The following HK1 variants were observed in gnomAD, a reference collection of about 807,000 sequenced individuals.
HK1 encodes hexokinase 1.
Under a neutral mutation model 91.6 loss-of-function variants are expected in HK1, and 28 were observed. The observed-to-expected ratio is 0.31, with a 90% confidence interval of 0.23 to 0.42. The LOEUF (loss-of-function observed/expected upper bound fraction) is 0.42. HK1 is among the 10% of genes least tolerant of loss of function. HK1 has a pLI of 1.00. For missense variants in HK1, 770 were observed against 1,219.8 expected, an observed-to-expected ratio of 0.63 and a Z score of 5.49; for synonymous variants, 430 against 468.1, an observed-to-expected ratio of 0.92 and a Z score of 1.05.
Position 69,318,919 on chromosome 10 carries a change from C to A in HK1, c.-29C>A, listed in dbSNP as rs1173323808. 2 of 1,568,342 alleles carry A rather than the reference C, an allele frequency of 1.3e-6. No individual in the cohort carries two copies. Among genetic ancestry groups the A allele is most frequent in the Admixed American group, 3.7e-5 (2 of 54,218 alleles). On this transcript the variant is annotated 5_prime_UTR_variant, in exon 1 of 18. Transcript: ENST00000359426. ...CTGCGGAGGACCGACCGTCCCCACG[C>A]CTGCCGCCCCGCGACCCCGACCGCC...
At chr10:69,389,488 C>T in intron 14 of HK1, 192 bp downstream of exon 14, 1 of 631,364 alleles carries the variant, frequency 1.6e-6, no homozygotes, top group Non-Finnish European at 2.9e-6. Context: ...GTGGGGGGGC[C>T]TTTCTTAAGA....
In HK1 at chr10:69,357,095, G is replaced by A. The variant is rs1198747626; in HGVS notation, c.227-2802G>A. On this transcript the variant is annotated intron_variant, in intron 2 of 17. Coordinates refer to ENST00000359426, the MANE Select transcript of HK1 (RefSeq NM_000188.3). ...TGAAAACTTCATGCATTACTGGTAGGAATGTAAAATGGTGCAGCTGCTTTG... is the reference window on the plus strand; with the variant it reads ...TGAAAACTTCATGCATTACTGGTAGAAATGTAAAATGGTGCAGCTGCTTTG... 2.0e-5 allele frequency among the ~76,000 whole-genome samples: 3 copies of A among 152,264 alleles called. No individual in the cohort carries two copies. In the East Asian group the frequency reaches 5.8e-4, roughly 29 times the overall value.
At chr10:69,319,520 G>A (rs576365728) in intron 1 of HK1, among the ~76,000 whole-genome samples, 3 of 152,382 alleles carry the variant, frequency 2.0e-5, no homozygotes, top group African/African-American at 7.2e-5. Context: ...TGAGCTGCTC[G>A]TTAATCTGAG....
chr10:69,292,545 G>T (rs1845342287), intron 3 of HK1, among the ~76,000 whole-genome samples: 1 of 152,156 alleles, frequency 6.6e-6, no homozygotes, highest in African/African-American at 2.4e-5. Context: ...GAGTGGGATT[G>T]CCCCTTGTGC....
intron 1 of HK1, among the ~76,000 whole-genome samples, chr10:69,342,662 A>T (rs1848351113): frequency 6.6e-6 from 1 of 152,200 alleles, no homozygotes; most frequent in South Asian, 2.1e-4. Context: ...TAAGAGGCTG[A>T]TGCTGCAGTG....
intron 17 of HK1, 69 bp from the exon 18 acceptor site, chr10:69,400,921 TG>T: frequency 6.5e-7 from 1 of 1,534,696 alleles, no homozygotes; most frequent in Non-Finnish European, 9.0e-7. Flanking sequence ...GTCTGTGCTT[TG>T]GTGTTTTCGG....
intron 4 of HK1, among the ~76,000 whole-genome samples, chr10:69,296,972 A>G (rs928097746): frequency 6.6e-6 from 1 of 152,098 alleles, no homozygotes; most frequent in African/African-American, 2.4e-5. Context: ...GCTGTGCAAG[A>G]TGATCTACTT....
Position 69,369,841 on chromosome 10 carries a change from C to T in HK1, c.875+217C>T, listed in dbSNP as rs1242103628. Among the ~76,000 whole-genome samples, 4 of 152,078 alleles carry T rather than the reference C, an allele frequency of 2.6e-5. No individual in the cohort carries two copies. The highest frequency in any genetic ancestry group is 9.7e-5 in the African/African-American group (4 of 41,400). ...GCAACCTCCACCTCCTGGGTTCAAG[C>T]GATTCTCCTGCCTTAGCCTCCAAGT... On this transcript the variant is annotated intron_variant, in intron 7 of 17. Coordinates refer to ENST00000359426, the MANE Select transcript of HK1 (RefSeq NM_000188.3). This position sits in a 1 kb window ranked among gnomAD's most constrained non-coding sequence, Gnocchi z 4.4.
intron 4 of HK1, among the ~76,000 whole-genome samples, chr10:69,299,771 C>T (rs1051030997): frequency 6.6e-6 from 1 of 151,602 alleles, no homozygotes; most frequent in Non-Finnish European, 1.5e-5. Context: ...AAGCAATTCT[C>T]CTGCCTCAGC....
At chr10:69,387,202 G>A (rs761820357) in intron 13 of HK1, among the ~76,000 whole-genome samples, 25 of 152,190 alleles carry the variant, frequency 1.6e-4, no homozygotes, top group Admixed American at 3.3e-4. Context: ...CCAATCCAGA[G>A]CAAAGCCCCA....
intron 1 of HK1, among the ~76,000 whole-genome samples, chr10:69,323,803 A>G (rs1847178438): frequency 6.6e-6 from 1 of 152,102 alleles, no homozygotes; most frequent in Non-Finnish European, 1.5e-5. Flanking sequence ...CCACGCTCCT[A>G]CTGTTCTCCG....
chr10:69,308,735 A>G (rs555074512), intron 5 of HK1, among the ~76,000 whole-genome samples: 85 of 152,082 alleles, frequency 5.6e-4, no homozygotes, highest in African/African-American at 8.2e-4. Context: ...TGAGTATAAA[A>G]CAATATGAGA....
chr10:69,322,097 G>A (rs1847068166), intron 1 of HK1, among the ~76,000 whole-genome samples: 1 of 152,196 alleles, frequency 6.6e-6, no homozygotes, highest in African/African-American at 2.4e-5. Context: ...GCAGGGTGAA[G>A]GATTGCATAG....
chr10:69,341,873 T>C (rs1848307786), intron 1 of HK1, among the ~76,000 whole-genome samples: 1 of 151,924 alleles, frequency 6.6e-6, no homozygotes, highest in South Asian at 2.1e-4. Context: ...GCAAGGATCA[T>C]CCTTGGGCGC....
At chr10:69,287,551 G>A (rs1845086350) in intron 2 of HK1, among the ~76,000 whole-genome samples, 1 of 152,204 alleles carries the variant, frequency 6.6e-6, no homozygotes, top group Non-Finnish European at 1.5e-5. Context: ...GAAATGGCCA[G>A]AAGGCAAATT....
rs148528520 is a variant in HK1, at chr10:69,321,829, G to C, written c.63+2819G>C. ...ATCCAGACGGCATCTGCATAAATTG[G>C]TTAATGGGTGCTGTTGAAGAGGGTG... On this transcript the variant is annotated intron_variant, in intron 1 of 17. Transcript: ENST00000359426. Among the ~76,000 whole-genome samples, 1,009 of 152,204 alleles carry C rather than the reference G, an allele frequency of 6.6e-3. 12 individuals carry two copies. The highest frequency in any genetic ancestry group is 0.023 in the African/African-American group (953 of 41,510).
upstream of HK1, among the ~76,000 whole-genome samples, chr10:69,316,395 G>A (rs770918429): frequency 1.3e-5 from 2 of 152,234 alleles, no homozygotes; most frequent in Non-Finnish European, 2.9e-5. Flanking sequence ...GCCAGGAGCC[G>A]AGGAGGACAG....
chr10:69,370,334 A>G (rs1849934729), intron 7 of HK1, among the ~76,000 whole-genome samples: 1 of 152,146 alleles, frequency 6.6e-6, no homozygotes, highest in Admixed American at 6.5e-5. Context: ...CCCCTGAAAA[A>G]AAAAAATCCT....
rs1407380096 is a variant in HK1 at position 69,382,709 on chromosome 10, G to A, written c.1488G>A (p.Glu496=). The part of the protein sequence containing the change: ...EVKKRMRAEM[E]LGLRKQTHNN... ...AGAAGAGGATGCGGGCCGAGATGGAGCTGGGGCTGAGGAAGCAGACGCACA... is the reference window on the plus strand; with the variant it reads ...AGAAGAGGATGCGGGCCGAGATGGAACTGGGGCTGAGGAAGCAGACGCACA... Residue 496 remains glutamate (E), a synonymous_variant, in exon 10 of 18, where the codon GAG becomes GAA. Transcript: ENST00000359426. The A allele has an allele frequency of 1.9e-6, 3 of 1,613,638 alleles. No individual in the cohort carries two copies. The highest frequency in any genetic ancestry group is 2.5e-6 in the Non-Finnish European group (3 of 1,179,952).
Sources: allele counts gnomAD v4.1 joint callset (sites outside exome capture counted in the v4.1 genomes callset), GRCh38; gene constraint gnomAD v4.1.1; non-coding constraint Gnocchi (gnomAD v3.1); transcripts MANE v1.5; gene names NCBI Gene and HGNC (gene_info 2026-07-23, HGNC 2026-07-21).